Variants in OR11A1 observed in about 807,000 individuals in gnomAD.
The protein encoded by OR11A1 is olfactory receptor 11A1.
For synonymous variants in OR11A1, 158 were observed against 152.2 expected (o/e 1.04, Z -0.28); for missense variants, 380 against 378.2 (o/e 1.00, Z -0.04).
Position 29,427,473 on chromosome 6 carries a change from G to T in OR11A1, c.169C>A (p.Leu57Ile). 1.2e-6 allele frequency: 2 copies of T among 1,613,096 alleles called. No individual in the cohort carries two copies. Among genetic ancestry groups the T allele is most frequent in the Non-Finnish European group, 1.7e-6 (2 of 1,180,034 alleles). The change falls in exon 5 of 5, where the codon CTC becomes ATC. Residue 57 changes from leucine (L) to isoleucine (I), a missense_variant. Coordinates refer to ENST00000377149, the MANE Select transcript of OR11A1 (RefSeq NM_001394828.1). ...IIVAVVSSQR[L>I]HKPMYIFLAN... ...AAGAAAATATACATGGGTTTGTGGA[G>T]CCTCTGGGAGCTAACCACTGCTACA...
At chr6:29,449,433 A>G (rs1412022283) in intron 1 of OR11A1, among the ~76,000 whole-genome samples, 2 of 152,196 alleles carry the variant, frequency 1.3e-5, no homozygotes, top group African/African-American at 4.8e-5. Context: ...CCTCTTAATT[A>G]CCAGAAGTTT....
At chr6:29,431,071 C>T (rs781665867) in intron 2 of OR11A1, among the ~76,000 whole-genome samples, 63 of 152,102 alleles carry the variant, frequency 4.1e-4, no homozygotes, top group Non-Finnish European at 7.8e-4. Flanking sequence ...TGTTGTCTAA[C>T]GAACAATCAG....
chr6:29,440,999 C>G (rs1305289112), intron 1 of OR11A1: 2 of 1,234,148 alleles, frequency 1.6e-6, no homozygotes, highest in Non-Finnish European at 2.3e-6. Context: ...GAGTCAGTCC[C>G]AAATACCTAA....
rs760656900 is a variant in OR11A1, at chr6:29,427,552, A to T, written c.90T>A (p.Phe30Leu). 3 of 1,612,936 alleles carry T rather than the reference A, an allele frequency of 1.9e-6. No individual in the cohort carries two copies. In the African/African-American group the frequency reaches 4.0e-5, roughly 22 times the overall value. The change falls in exon 5 of 5, where the codon TTT (phenylalanine) becomes TTA (leucine). Residue 30 changes from phenylalanine to leucine, a missense_variant. Physicochemically the swap from Phe to Leu is conservative, Grantham distance 22. Coordinates refer to ENST00000377149, the MANE Select transcript of OR11A1 (RefSeq NM_001394828.1). ...YDIPELHFLF[F>L]IVFTAVYVFI... ...AGACATAGACAGCAGTGAATACAAT[A>T]AAAAACAAGAAATGCAGTTCAGGGA...
chr6:29,438,211 T>C (rs553739657), intron 1 of OR11A1, among the ~76,000 whole-genome samples: 1 of 152,178 alleles, frequency 6.6e-6, no homozygotes, highest in South Asian at 2.1e-4. Flanking sequence ...TATGAAAATG[T>C]ATAAAAACAC....
chr6:29,446,603 G>A (rs1784800578), intron 1 of OR11A1, among the ~76,000 whole-genome samples: 1 of 152,208 alleles, frequency 6.6e-6, no homozygotes, highest in South Asian at 2.1e-4. Context: ...TATGGATATA[G>A]TTAGAGAAAC....
intron 1 of OR11A1, among the ~76,000 whole-genome samples, chr6:29,452,480 A>C (rs528229492): frequency 2.0e-4 from 31 of 152,344 alleles, no homozygotes; most frequent in Non-Finnish European, 3.5e-4. Flanking sequence ...TGAGAAAAAC[A>C]AAGATTTAAA....
Position 29,442,918 on chromosome 6 carries a change from C to T in OR11A1, c.-388-10931G>A, listed in dbSNP as rs181750330. Among the ~76,000 whole-genome samples, 208 of 152,322 alleles carry T rather than the reference C, an allele frequency of 1.4e-3. 5 individuals are homozygous for T. The East Asian group carries it at 0.021, about 15-fold the overall frequency. On this transcript the variant is annotated intron_variant, in intron 1 of 4. Transcript: ENST00000377149. ...TTAAAATGCTGAAATATTTCCACTT[C>T]CTACATATCTCCATCAACTCATCTT... is the stretch of plus-strand genomic sequence containing the variant.
chr6:29,447,775 T>C (rs1784921392), intron 1 of OR11A1, among the ~76,000 whole-genome samples: 2 of 152,212 alleles, frequency 1.3e-5, no homozygotes, highest in South Asian at 4.1e-4. Context: ...TGCTAGATGA[T>C]GAGGCTTTTA....
At position 29,427,730 on chromosome 6, in the gene OR11A1, G is replaced by C; in HGVS notation, c.-89C>G. The C allele has an allele frequency of 6.8e-7, 1 of 1,478,532 alleles. No individual in the cohort carries two copies. Among genetic ancestry groups the C allele is most frequent in the Non-Finnish European group, 9.0e-7 (1 of 1,116,212 alleles). The allele number at this position is 1,478,532 out of a possible 1,614,324, so 91.6% of individuals were successfully genotyped here. A position where few individuals can be genotyped will look rare whatever the true frequency, so the allele number is the denominator to read the frequency against. ...TTCTATACCAAGCCTAACGTTATTA[G>C]AGCTAAAACAAAACAAAACAAAAAA... On this transcript the variant is annotated splice_region_variant and 5_prime_UTR_variant, in exon 5 of 5. Coordinates refer to ENST00000377149, the MANE Select transcript of OR11A1 (RefSeq NM_001394828.1).
intron 1 of OR11A1, chr6:29,439,818 C>T: frequency 1.7e-6 from 1 of 596,764 alleles, no homozygotes; most frequent in Non-Finnish European, 3.0e-6. Context: ...CATCCAGGAT[C>T]CCAAGAGTGA....
In OR11A1 at chr6:29,440,688, T is replaced by G. The variant is rs1304979599; in HGVS notation, c.-388-8701A>C. The stretch of plus-strand genomic sequence containing the variant: ...CTACGGGCGTATCCTCGTTACCATC[T>G]TCCGGATCCCATCTGTTGCGGGCCG... On this transcript the variant is annotated intron_variant, in intron 1 of 4. Transcript: ENST00000377149. The G allele has an allele frequency of 1.9e-6, 3 of 1,614,076 alleles. No individual in the cohort carries two copies. Among genetic ancestry groups the G allele is most frequent in the Non-Finnish European group, 2.5e-6 (3 of 1,180,038 alleles).
intron 1 of OR11A1, among the ~76,000 whole-genome samples, chr6:29,432,970 T>C (rs1323208444): frequency 6.6e-6 from 1 of 152,214 alleles, no homozygotes; most frequent in Non-Finnish European, 1.5e-5. Context: ...AACAGCAGCA[T>C]ATGCTAAAAG....
Position 29,428,967 on chromosome 6 carries a change from A to G in OR11A1, c.-139-7T>C, listed in dbSNP as rs1783068546. ...AGCAATATGTGTTTATTAACTGAAG[A>G]CAATGAGAGAGAATACAGGGAATGA... On this transcript the variant is annotated splice_region_variant and splice_polypyrimidine_tract_variant and intron_variant, in intron 3 of 4. Transcript: ENST00000377149. The G allele has an allele frequency of 3.1e-6, 3 of 956,560 alleles. No homozygotes were observed. Among genetic ancestry groups the G allele is most frequent in the Admixed American group, 6.2e-5 (1 of 16,214 alleles). 59.3% of individuals were successfully genotyped at this position (956,560 alleles called of 1,614,324 possible).
At chr6:29,436,830 G>A (rs1052151919) in intron 1 of OR11A1, among the ~76,000 whole-genome samples, 3 of 152,234 alleles carry the variant, frequency 2.0e-5, no homozygotes, top group Admixed American at 1.3e-4. Flanking sequence ...TTCTGAAAAT[G>A]CAATAAGAAA....
chr6:29,452,147 A>C (rs948175147), intron 1 of OR11A1, among the ~76,000 whole-genome samples: 1 of 152,202 alleles, frequency 6.6e-6, no homozygotes, highest in African/African-American at 2.4e-5. Context: ...GACCACAAAG[A>C]AAGTAACAAT....
In OR11A1 at chr6:29,426,475, A is replaced by G. The variant is rs1033707528; in HGVS notation, c.*219T>C. ...GAAATAATCTGTACAGTAAACCCCCATGACACAAGTTTACCTATGTAACAA... is the reference window on the plus strand; with the variant it reads ...GAAATAATCTGTACAGTAAACCCCCGTGACACAAGTTTACCTATGTAACAA... On this transcript the variant is annotated 3_prime_UTR_variant, in exon 5 of 5. Coordinates refer to ENST00000377149, the MANE Select transcript of OR11A1 (RefSeq NM_001394828.1). The G allele has an allele frequency of 9.2e-6, 5 of 545,164 alleles. No individual in the cohort carries two copies. Among genetic ancestry groups the G allele is most frequent in the African/African-American group, 1.9e-5 (1 of 53,386 alleles). 33.8% of individuals were successfully genotyped at this position (545,164 alleles called of 1,614,324 possible). A position where few individuals can be genotyped will look rare whatever the true frequency, so the allele number is the denominator to read the frequency against.
At chr6:29,433,972 T>C (rs1177882467) in intron 1 of OR11A1, among the ~76,000 whole-genome samples, 2 of 152,180 alleles carry the variant, frequency 1.3e-5, no homozygotes, top group African/African-American at 4.8e-5. Context: ...ACGTCTTCTT[T>C]TGAGAAATGT....
At chr6:29,449,630 T>A (rs1222102307) in intron 1 of OR11A1, among the ~76,000 whole-genome samples, 2 of 152,028 alleles carry the variant, frequency 1.3e-5, no homozygotes, top group African/African-American at 4.8e-5. Context: ...AAATGACCAA[T>A]CTTTCTCTTT....
Sources: gnomAD v4.1 joint callset for allele counts (sites outside exome capture counted in the v4.1 genomes callset) on GRCh38, gnomAD v4.1.1 for gene constraint, MANE v1.5 for transcripts, NCBI Gene and HGNC (gene_info 2026-07-23, HGNC 2026-07-21) for gene names.